Variants in ADGRB1 observed in about 807,000 individuals in gnomAD.
ADGRB1 encodes the protein adhesion G protein-coupled receptor B1.
ADGRB1 carries 36 observed loss-of-function variants against 175.7 expected under a neutral mutation model. That is an observed-to-expected ratio of 0.20 (90% CI 0.16 to 0.27). The LOEUF is 0.27. Ranked by LOEUF, ADGRB1 falls within the 10% of genes least tolerant of loss-of-function variation. The pLI, the probability that ADGRB1 is intolerant of heterozygous loss-of-function variation, is 1.00. For synonymous variants in ADGRB1, 1,054 were observed against 979.4 expected (o/e 1.08, Z -1.42); for missense variants, 1,731 against 2,255.3 (o/e 0.77, Z 4.71).
intron 24 of ADGRB1, among the ~76,000 whole-genome samples, chr8:142,529,425 C>T (rs576371683): frequency 1.3e-5 from 2 of 152,290 alleles, no homozygotes; most frequent in East Asian, 3.9e-4. Context: ...CCCCATACCC[C>T]CTTGGGTGTG....
chr8:142,533,538 C>T, intron 25 of ADGRB1, 72 bp downstream of exon 25: 3 of 1,474,276 alleles, frequency 2.0e-6, no homozygotes, highest in South Asian at 1.3e-5. Flanking sequence ...TCCTCCTTCC[C>T]CGAGGACCTC....
intron 27 of ADGRB1, chr8:142,539,735 C>T: frequency 5.9e-6 from 3 of 509,182 alleles, no homozygotes; most frequent in South Asian, 4.6e-5. Context: ...GACATCTCTT[C>T]CTCTGTCGTG....
chr8:142,457,104 A>G (rs1338838325), intron 1 of ADGRB1, among the ~76,000 whole-genome samples: 1 of 152,138 alleles, frequency 6.6e-6, no homozygotes, highest in African/African-American at 2.4e-5. Context: ...CGGGAGATGC[A>G]GTGAGGCCCG....
intron 6 of ADGRB1, among the ~76,000 whole-genome samples, chr8:142,477,973 G>A (rs187483224): frequency 2.0e-5 from 3 of 151,582 alleles, no homozygotes; most frequent in African/African-American, 7.3e-5. Context: ...TGGATGTGGG[G>A]TGGTGGCCCC....
At chr8:142,518,863 A>T (rs2132101378) in intron 19 of ADGRB1, among the ~76,000 whole-genome samples, 1 of 152,344 alleles carries the variant, frequency 6.6e-6, no homozygotes, top group South Asian at 2.1e-4. Flanking sequence ...CTCACTGCCC[A>T]TGGGGCCGAG....
At chr8:142,468,978 C>G (rs914356276) in intron 2 of ADGRB1, among the ~76,000 whole-genome samples, 2 of 152,274 alleles carry the variant, frequency 1.3e-5, no homozygotes, top group African/African-American at 2.4e-5. Flanking sequence ...GGCACTCAGT[C>G]AGTCCAAGTT....
chr8:142,469,906 T>G (rs1220902323), intron 2 of ADGRB1, among the ~76,000 whole-genome samples: 1 of 152,246 alleles, frequency 6.6e-6, no homozygotes, highest in Non-Finnish European at 1.5e-5. Context: ...AGCTGAGACC[T>G]GTGCCCAGGG....
intron 24 of ADGRB1, among the ~76,000 whole-genome samples, chr8:142,527,507 C>T (rs557397585): frequency 3.3e-5 from 5 of 152,242 alleles, no homozygotes; most frequent in African/African-American, 1.2e-4. Flanking sequence ...TGGTTAGGAA[C>T]CAGCCGAGCT....
chr8:142,487,803 T>G (rs539262046), intron 13 of ADGRB1, among the ~76,000 whole-genome samples: 1 of 152,308 alleles, frequency 6.6e-6, no homozygotes, highest in East Asian at 1.9e-4. Context: ...CCCAATGCCT[T>G]CCTTCCCAGA....
At chr8:142,485,391 C>T (rs186818326) in intron 13 of ADGRB1, among the ~76,000 whole-genome samples, 1 of 152,250 alleles carries the variant, frequency 6.6e-6, no homozygotes, top group Non-Finnish European at 1.5e-5. Flanking sequence ...ATCAGAGAGT[C>T]TCTCAAAGCA....
chr8:142,502,351 GGA>G (rs1842628547), intron 17 of ADGRB1, among the ~76,000 whole-genome samples: 1 of 146,568 alleles, frequency 6.8e-6, no homozygotes. Flanking sequence ...GTGGTGATGG[GGA>G]GGTGGTAGTA....
chr8:142,489,290 T>A, intron 15 of ADGRB1, 46 bp from the exon 16 acceptor site: 1 of 1,602,842 alleles, frequency 6.2e-7, no homozygotes, highest in Non-Finnish European at 8.5e-7. Context: ...AGGAGGAGCC[T>A]GGGCTGGGAG....
rs1057069981 is a variant in ADGRB1, at chr8:142,510,995, C to G, written c.2739C>G (p.Pro913=). The part of the protein sequence containing the change: ...PWSWRGCRTV[P]LDALRTRCLC... ...CGTGGCGCGGCTGCCGCACGGTGCC[C>G]CTCGACGCCCTCCGGACGCGCTGCC... The change falls in exon 18 of 31, where the codon CCC becomes CCG. Residue 913 remains proline (P), a synonymous_variant. Transcript: ENST00000517894. This position sits in a 1 kb window ranked among gnomAD's most constrained non-coding sequence, Gnocchi z 6.3. The G allele has an allele frequency of 1.1e-5, 14 of 1,326,936 alleles. No individual in the cohort carries two copies. In the African/African-American group the frequency reaches 2.2e-4, roughly 21 times the overall value. The allele number at this position is 1,326,936 out of a possible 1,614,324, so 82.2% of individuals were successfully genotyped here. A position where few individuals can be genotyped will look rare whatever the true frequency, so the allele number is the denominator to read the frequency against.
At chr8:142,496,842 C>A (rs751641491) in intron 17 of ADGRB1, among the ~76,000 whole-genome samples, 1 of 152,142 alleles carries the variant, frequency 6.6e-6, no homozygotes, top group Non-Finnish European at 1.5e-5. Flanking sequence ...GGCAGCGTTC[C>A]GTGTGCTCCC....
Position 142,464,638 on chromosome 8 carries a change from G to T in ADGRB1, c.440G>T (p.Arg147Leu). 2 of 1,519,490 alleles carry T rather than the reference G, an allele frequency of 1.3e-6. No individual in the cohort carries two copies. Among genetic ancestry groups the T allele is most frequent in the Non-Finnish European group, 1.8e-6 (2 of 1,138,728 alleles). 94.1% of individuals were successfully genotyped at this position (1,519,490 alleles called of 1,614,324 possible). Residue 147 changes from arginine (R) to leucine (L), a missense_variant, in exon 2 of 31, where the codon CGC becomes CTC. Around this residue, in one of 8 missense-constraint regions of ADGRB1, gnomAD observed 383 missense variants for 383.1 expected, o/e 1.00. Coordinates refer to ENST00000517894, the MANE Select transcript of ADGRB1 (RefSeq NM_001702.3). ...QASKQFLQMRRQQPPQHDGLR... is the reference protein window; with the variant it reads ...QASKQFLQMRLQQPPQHDGLR... ...AGCAAGCAGTTCCTGCAGATGCGGC[G>T]CCAGCAGCCGCCCCAGCACGACGGG...
intron 3 of ADGRB1, among the ~76,000 whole-genome samples, chr8:142,475,868 C>T (rs1840939791): frequency 6.8e-6 from 1 of 146,826 alleles, no homozygotes; most frequent in African/African-American, 2.4e-5. Flanking sequence ...TAGGGTGGGT[C>T]TGGGCTCTGA....
intron 17 of ADGRB1, among the ~76,000 whole-genome samples, chr8:142,499,594 G>A (rs1041346171): frequency 6.6e-5 from 10 of 152,172 alleles, no homozygotes; most frequent in South Asian, 2.1e-4. Flanking sequence ...GCGGAGTGCC[G>A]CGGTGGGAGC....
intron 14 of ADGRB1, 130 bp from the exon 15 acceptor site, chr8:142,488,905 G>A (rs1010702871): frequency 1.9e-5 from 22 of 1,181,222 alleles, no homozygotes; most frequent in South Asian, 2.9e-5. Flanking sequence ...CTCACCATCC[G>A]CCAGGGCCCT....
chr8:142,534,242 T>C (rs559067340), intron 25 of ADGRB1, among the ~76,000 whole-genome samples: 211 of 152,276 alleles, frequency 1.4e-3, no homozygotes, highest in African/African-American at 5.0e-3. Flanking sequence ...GCCCGCCCCC[T>C]CCCCAGGATC....
Sources: gnomAD v4.1 joint callset for allele counts (sites outside exome capture counted in the v4.1 genomes callset) on GRCh38, gnomAD v4.1.1 for gene constraint, gnomAD v4.1.1 regional missense constraint, Gnocchi (gnomAD v3.1) non-coding constraint, MANE v1.5 for transcripts, NCBI Gene and HGNC (gene_info 2026-07-23, HGNC 2026-07-21) for gene names.